The following CAD variants were observed in gnomAD, a reference collection of about 807,000 sequenced individuals.
The protein encoded by CAD is multifunctional protein CAD.
A neutral mutation model predicts 237.2 loss-of-function variants in CAD; 81 were observed. The observed-to-expected ratio is 0.34, with a 90% CI of 0.29 to 0.41. CAD has a LOEUF of 0.41. Ranked by LOEUF, CAD falls within the 10% of genes least tolerant of loss-of-function variation. The pLI, the probability that CAD is intolerant of heterozygous loss-of-function variation, is 1.00. For synonymous variants in CAD, 1,196 were observed against 1,162.8 expected (o/e 1.03, Z -0.58); for missense variants, 2,181 against 2,951.7 (o/e 0.74, Z 6.05).
intron 2 of CAD, 71 bp downstream of exon 2, chr2:27,218,087 G>C: frequency 7.3e-7 from 1 of 1,378,990 alleles, no homozygotes; most frequent in South Asian, 1.4e-5. Flanking sequence ...TGAAGTAGGA[G>C]ACGTTGACAC....
Position 27,221,235 on chromosome 2 carries a change from C to A in CAD, c.240C>A (p.Gly80=). The A allele has an allele frequency of 6.4e-7, 1 of 1,553,410 alleles. No individual in the cohort carries two copies. The highest frequency in any genetic ancestry group is 8.7e-7 in the Non-Finnish European group (1 of 1,145,970). Residue 80 remains glycine (G), a synonymous_variant, in exon 3 of 44, where the codon GGC becomes GGA. Transcript: ENST00000264705. The part of the protein sequence containing the change: ...FGLCKWFESS[G]IHVAALVVGE... ...ATCTACAGTGGTTTGAATCCTCGGG[C>A]ATCCACGTAGCAGCACTGGTAGTGG...
At position 27,235,740 on chromosome 2, in the gene CAD, C is replaced by G; in HGVS notation, c.4074+100C>G. 2.1e-6 allele frequency: 2 copies of G among 949,378 alleles called. No individual in the cohort carries two copies. The highest frequency in any genetic ancestry group is 2.1e-4 in the Middle Eastern group (1 of 4,662). The allele number at this position is 949,378 out of a possible 1,614,324, so 58.8% of individuals were successfully genotyped here. A position where few individuals can be genotyped will look rare whatever the true frequency, so the allele number is the denominator to read the frequency against. On this transcript the variant is annotated intron_variant, in intron 25 of 43. Coordinates refer to ENST00000264705, the MANE Select transcript of CAD (RefSeq NM_004341.5). The surrounding 1 kb of genome is among the most constrained non-coding windows in gnomAD (Gnocchi z 5.2). ...CTGGGCTGGGCACGGTGGCATATAC[C>G]TGTAGTCCCAGATACTCAGGAGGCT...
intron 30 of CAD, 27 bp downstream of exon 30, chr2:27,238,214 TC>T (rs771014335): frequency 6.2e-7 from 1 of 1,610,842 alleles, no homozygotes; most frequent in Non-Finnish European, 8.5e-7. Flanking sequence ...GATCCTGCTG[TC>T]CCTGTTGCTT....
chr2:27,223,434 A>G lies in CAD; in HGVS notation c.810-129A>G, dbSNP rs1675278126. On this transcript the variant is annotated intron_variant, in intron 6 of 43. Transcript: ENST00000264705. ...AAACAGAGGGAGACTCCGTCTCAAA[A>G]AAAAAAAAAAAACAAAAAGGAAACA... 5.7e-6 allele frequency: 5 copies of G among 878,826 alleles called. 1 individual carries two copies. Among genetic ancestry groups the G allele is most frequent in the Non-Finnish European group, 8.6e-6 (5 of 582,864 alleles). The allele number at this position is 878,826 out of a possible 1,614,324, so 54.4% of individuals were successfully genotyped here.
chr2:27,232,813 TG>T lies in CAD; in HGVS notation c.2892+123del. 7.6e-7 allele frequency: 1 copy of T among 1,312,966 alleles called. No individual in the cohort carries two copies. Among genetic ancestry groups the T allele is most frequent in the Non-Finnish European group, 1.1e-6 (1 of 931,244 alleles). The allele number at this position is 1,312,966 out of a possible 1,614,324, so 81.3% of individuals were successfully genotyped here. A position where few individuals can be genotyped will look rare whatever the true frequency, so the allele number is the denominator to read the frequency against. The stretch of plus-strand genomic sequence containing the variant: ...GTCCCTTACTTTGGTCATAGAGCTT[TG>T]GGGTGGGGGTCCTTTTAGGCCATCT... On this transcript the variant is annotated intron_variant, in intron 18 of 43. Transcript: ENST00000264705. The surrounding 1 kb of genome is among the most constrained non-coding windows in gnomAD (Gnocchi z 4.1).
Position 27,225,257 on chromosome 2 carries a change from T to TTGGGTAAAGGAAGAA in CAD, c.1620+18_1620+32dup. The stretch of plus-strand genomic sequence containing the variant: ...TCTCTTGAACAGGTTGGAGGGGTGT[T>TTGGGTAAAGGAAGAA]TGGGTAAAGGAAGAATGGTGGTGTT... On this transcript the variant is annotated intron_variant, in intron 11 of 43. Transcript: ENST00000264705. The TTGGGTAAAGGAAGAA allele has an allele frequency of 6.6e-7, 1 of 1,515,776 alleles. No individual in the cohort carries two copies. Among genetic ancestry groups the TTGGGTAAAGGAAGAA allele is most frequent in the East Asian group, 2.3e-5 (1 of 44,072 alleles). 93.9% of individuals were successfully genotyped at this position (1,515,776 alleles called of 1,614,324 possible).
chr2:27,225,551 C>T (rs535449579), intron 11 of CAD, among the ~76,000 whole-genome samples, 154 bp from the exon 12 acceptor site: 15 of 148,782 alleles, frequency 1.0e-4, no homozygotes, highest in East Asian at 9.8e-4. Context: ...GGTGATCCAC[C>T]CCCCCGACCC....
chr2:27,234,412 T>C, intron 22 of CAD, 106 bp from the exon 23 acceptor site: 3 of 1,247,696 alleles, frequency 2.4e-6, no homozygotes, highest in Non-Finnish European at 3.5e-6. Flanking sequence ...TGAACCCTGC[T>C]CAGTCTGATC....
At position 27,236,173 on chromosome 2, in the gene CAD, G is replaced by A; in HGVS notation, c.4075-111G>A. On this transcript the variant is annotated intron_variant, in intron 25 of 43. Transcript: ENST00000264705. The surrounding 1 kb of genome is among the most constrained non-coding windows in gnomAD (Gnocchi z 4.1). ...AGGCAGCCCTCAGTGCCCACCCTAT[G>A]GGTCCTCAGTCTCCTCATCATGGGC... 7.0e-7 allele frequency: 1 copy of A among 1,427,978 alleles called. No homozygotes were observed. The highest frequency in any genetic ancestry group is 9.5e-7 in the Non-Finnish European group (1 of 1,053,578). The allele number at this position is 1,427,978 out of a possible 1,614,324, so 88.5% of individuals were successfully genotyped here.
At chr2:27,218,504 G>T (rs756900284) in intron 2 of CAD, among the ~76,000 whole-genome samples, 2 of 152,198 alleles carry the variant, frequency 1.3e-5, no homozygotes, top group Non-Finnish European at 2.9e-5. Context: ...GTGCTTTTTA[G>T]GACTACATAA....
Position 27,239,122 on chromosome 2 carries a change from C to G in CAD, c.5143C>G (p.Leu1715Val). The G allele has an allele frequency of 6.2e-7, 1 of 1,613,246 alleles. No individual in the cohort carries two copies. Among genetic ancestry groups the G allele is most frequent in the Non-Finnish European group, 8.5e-7 (1 of 1,179,510 alleles). Residue 1715 changes from leucine to valine, a missense_variant, in exon 32 of 44, where the codon CTG becomes GTG. Transcript: ENST00000264705. The surrounding 1 kb of genome is among the most constrained non-coding windows in gnomAD (Gnocchi z 4.0). ...GTTAGAGACCATGCTGCCACTACTC[C>G]TGACGGCTGTAAGCGAGGGCCGGCT... is the stretch of plus-strand genomic sequence containing the variant. ...PGLETMLPLL[L>V]TAVSEGRLSL...
At chr2:27,220,037 G>A (rs1436584482) in intron 2 of CAD, among the ~76,000 whole-genome samples, 1 of 151,906 alleles carries the variant, frequency 6.6e-6, no homozygotes, top group Admixed American at 6.6e-5. Context: ...TATTTATATG[G>A]GTGTTACCTT....
At position 27,225,746 on chromosome 2, in the gene CAD, G is replaced by A; in HGVS notation, c.1662G>A (p.Val554=). 1.2e-6 allele frequency: 2 copies of A among 1,614,194 alleles called. No individual in the cohort carries two copies. The highest frequency in any genetic ancestry group is 1.6e-4 in the Middle Eastern group (1 of 6,062). ...AAERLGYPVL[V]RAAFALGGLG... Reference sequence around the variant, plus strand: ...AACGGCTGGGGTACCCTGTGCTAGTGCGTGCAGCCTTTGCCCTGGGTGGCC... The same window carrying A: ...AACGGCTGGGGTACCCTGTGCTAGTACGTGCAGCCTTTGCCCTGGGTGGCC... The change falls in exon 12 of 44, where the codon GTG becomes GTA. Residue 554 remains valine, a synonymous_variant. Transcript: ENST00000264705.
At position 27,237,814 on chromosome 2, in the gene CAD, G is replaced by T; in HGVS notation, c.4660G>T (p.Gly1554Trp). ...GGGCACCGTGGCCGGGTCTGCAGCC[G>T]GGCTGAAGCTTTACCTCAATGAGAC... The part of the protein sequence containing the change: ...TLGTVAGSAA[G>W]LKLYLNETFS... Residue 1554 changes from glycine to tryptophan, a missense_variant, in exon 29 of 44, where the codon GGG (glycine) becomes TGG (tryptophan). Transcript: ENST00000264705. This position sits in a 1 kb window ranked among gnomAD's most constrained non-coding sequence, Gnocchi z 4.0. The T allele has an allele frequency of 1.2e-6, 2 of 1,614,222 alleles. No homozygotes were observed. Among genetic ancestry groups the T allele is most frequent in the Non-Finnish European group, 1.7e-6 (2 of 1,180,048 alleles).
In CAD at chr2:27,232,254, G is replaced by A; in HGVS notation, c.2645+30G>A. 6.2e-7 allele frequency: 1 copy of A among 1,610,370 alleles called. No individual in the cohort carries two copies. The highest frequency in any genetic ancestry group is 8.5e-7 in the Non-Finnish European group (1 of 1,178,898). On this transcript the variant is annotated intron_variant, in intron 17 of 43. Transcript: ENST00000264705. The surrounding 1 kb of genome is among the most constrained non-coding windows in gnomAD (Gnocchi z 4.1). The stretch of plus-strand genomic sequence containing the variant: ...GAGGTGGCAATGAGAGCTTCCGGCT[G>A]GGAAATGTGGGGCAGAACCTTTGTA...
At position 27,225,053 on chromosome 2, in the gene CAD, G is replaced by C; in HGVS notation, c.1430G>C (p.Gly477Ala). ...CCCGATGGTGTGTTACTGACTTTTG[G>C]GGGCCAGACTGCTCTGAACTGTGGT... ...ERPDGVLLTF[G>A]GQTALNCGVE... The change falls in exon 11 of 44, where the codon GGG (glycine) becomes GCG (alanine). Residue 477 changes from glycine to alanine, a missense_variant. By Grantham distance (60) the Gly-to-Ala change is moderately conservative (BLOSUM62 0). Around this residue, in one of 12 missense-constraint regions of CAD, gnomAD observed 174 missense variants for 215.8 expected, o/e 0.81. Transcript: ENST00000264705. 1 of 1,612,712 alleles carries C rather than the reference G, an allele frequency of 6.2e-7. No individual in the cohort carries two copies. The highest frequency in any genetic ancestry group is 8.5e-7 in the Non-Finnish European group (1 of 1,178,864).
In CAD at chr2:27,235,828, A is replaced by T. The variant is rs1675973549; in HGVS notation, c.4074+188A>T. The T allele has an allele frequency of 1.9e-6, 1 of 537,956 alleles. No individual in the cohort carries two copies. The highest frequency in any genetic ancestry group is 3.3e-6 in the Non-Finnish European group (1 of 301,530). The allele number at this position is 537,956 out of a possible 1,614,324, so 33.3% of individuals were successfully genotyped here. ...TGCAGTGAGCTGCGAGTGTGCAGTG[A>T]GTGCACCACTGCACTCCAGCTTGGG... is the stretch of plus-strand genomic sequence containing the variant. On this transcript the variant is annotated intron_variant, in intron 25 of 43. Transcript: ENST00000264705. This position sits in a 1 kb window ranked among gnomAD's most constrained non-coding sequence, Gnocchi z 5.2.
rs1392869920 is a variant in CAD, at chr2:27,240,882, G to A, written c.5594-29G>A. 6.2e-7 allele frequency: 1 copy of A among 1,612,982 alleles called. No individual in the cohort carries two copies. Among genetic ancestry groups the A allele is most frequent in the Non-Finnish European group, 8.5e-7 (1 of 1,178,968 alleles). ...TTCTTTCCAAACCTCAGCCATAAATGTATATCTGTCCTCTTGTCCTGTTTG... is the reference window on the plus strand; with the variant it reads ...TTCTTTCCAAACCTCAGCCATAAATATATATCTGTCCTCTTGTCCTGTTTG... On this transcript the variant is annotated intron_variant, in intron 35 of 43. Transcript: ENST00000264705. The surrounding 1 kb of genome is among the most constrained non-coding windows in gnomAD (Gnocchi z 4.6).
rs1676333716 is a variant in CAD at position 27,241,867 on chromosome 2, G to C, written c.5884-44G>C. The C allele has an allele frequency of 3.3e-6, 5 of 1,534,948 alleles. No homozygotes were observed. The highest frequency in any genetic ancestry group is 4.5e-6 in the Non-Finnish European group (5 of 1,113,116). On this transcript the variant is annotated intron_variant, in intron 38 of 43. Transcript: ENST00000264705. The surrounding 1 kb of genome is among the most constrained non-coding windows in gnomAD (Gnocchi z 4.6). Reference sequence around the variant, plus strand: ...TGGTGCCTAGCTGGGGTTTCCCCAGGGTGGACACGCATACGTACACCTTCC... The same window carrying C: ...TGGTGCCTAGCTGGGGTTTCCCCAGCGTGGACACGCATACGTACACCTTCC...
Sources: gnomAD v4.1 joint callset for allele counts (sites outside exome capture counted in the v4.1 genomes callset) on GRCh38, gnomAD v4.1.1 for gene constraint, gnomAD v4.1.1 regional missense constraint, Gnocchi (gnomAD v3.1) non-coding constraint, MANE v1.5 for transcripts, NCBI Gene and HGNC (gene_info 2026-07-23, HGNC 2026-07-21) for gene names.